ARMC12: variants seen among roughly 807,000 people sequenced by gnomAD.
ARMC12 encodes the protein armadillo repeat-containing protein 12.
A neutral mutation model predicts 37.4 loss-of-function variants in ARMC12; 25 were observed. The ratio of observed to expected loss-of-function variants is 0.67; its 90% confidence interval spans 0.49 to 0.93. The LOEUF (loss-of-function observed/expected upper bound fraction) is 0.93. Ranked by LOEUF, ARMC12 falls within the 40% of genes least tolerant of loss-of-function variation. The probability of loss-of-function intolerance (pLI) is 0.00; values close to 1 mark genes in which losing one functional copy is unlikely to be tolerated. For synonymous variants in ARMC12, 167 were observed against 176.1 expected (o/e 0.95, Z 0.41); for missense variants, 384 against 426.6 (o/e 0.90, Z 0.88).
At chr6:35,732,532 A>C (rs573117269), upstream of ARMC12, among the ~76,000 whole-genome samples, 11 of 152,322 alleles carry the variant, frequency 7.2e-5, no homozygotes, top group East Asian at 2.1e-3. Flanking sequence ...ACTGGAGTTT[A>C]GGGTAGGGTA....
upstream of ARMC12, among the ~76,000 whole-genome samples, chr6:35,733,043 G>A (rs1410290113): frequency 2.0e-5 from 3 of 152,184 alleles, no homozygotes; most frequent in Admixed American, 6.5e-5. Context: ...GTGGTGGTGC[G>A]TGCCTGTAGT....
chr6:35,744,385 C>G (rs1046233149), intron 3 of ARMC12, among the ~76,000 whole-genome samples: 2 of 152,130 alleles, frequency 1.3e-5, no homozygotes, highest in African/African-American at 2.4e-5. Context: ...CTTGATCCGC[C>G]CACCTCGACC....
At position 35,737,221 on chromosome 6, in the gene ARMC12, G is replaced by A. The variant is rs1271733924; in HGVS notation, c.113G>A (p.Gly38Asp). The A allele has an allele frequency of 3.1e-6, 5 of 1,614,244 alleles. No individual in the cohort carries two copies. Among genetic ancestry groups the A allele is most frequent in the South Asian group, 1.1e-5 (1 of 91,090 alleles). ...IYLLYKAIKA[G>D]IKCKPPLCSN... is the part of the protein sequence containing the mutation. ...CTGCTCTACAAGGCCATCAAGGCTG[G>A]CATAAAATGCAAACCACCCCTCTGT... The change falls in exon 1 of 6, where the codon GGC becomes GAC. Residue 38 changes from glycine to aspartate, a missense_variant. Physicochemically the swap from Gly to Asp is moderately conservative, Grantham distance 94. Coordinates refer to ENST00000373866, the MANE Select transcript of ARMC12 (RefSeq NM_001286574.2).
chr6:35,745,785 C>A (rs950584844), intron 3 of ARMC12, among the ~76,000 whole-genome samples: 1 of 152,220 alleles, frequency 6.6e-6, no homozygotes, highest in Non-Finnish European at 1.5e-5. Context: ...GAGGCTCAGG[C>A]CTGTAAACCC....
chr6:35,742,385 A>G (rs1767197785), intron 3 of ARMC12, among the ~76,000 whole-genome samples: 1 of 149,960 alleles, frequency 6.7e-6, no homozygotes, highest in Admixed American at 6.7e-5. Flanking sequence ...AATCCCAGCT[A>G]TCCGGGAGGC....
chr6:35,740,402 C>T (rs1438354401), intron 3 of ARMC12, among the ~76,000 whole-genome samples: 2 of 152,060 alleles, frequency 1.3e-5, no homozygotes, highest in Non-Finnish European at 2.9e-5. Flanking sequence ...GCTTACGCTC[C>T]GCTCCCCCAT....
At chr6:35,741,054 G>C (rs73419754) in intron 3 of ARMC12, among the ~76,000 whole-genome samples, 1,833 of 152,072 alleles carry the variant, frequency 0.012, 28 homozygotes, top group African/African-American at 0.035. Flanking sequence ...TGTGCTCAGT[G>C]AGTACGGGAG....
In ARMC12 at chr6:35,738,125, A is replaced by C; in HGVS notation, c.262A>C (p.Met88Leu). The C allele has an allele frequency of 6.2e-7, 1 of 1,614,040 alleles. No homozygotes were observed. ...ECKQDEYAKS[M>L]ILHSITRCVY... ...CAAACAGGATGAGTATGCCAAGAGC[A>C]TGATCCTGCACAGTATCACTCGCTG... is the stretch of plus-strand genomic sequence containing the variant. Residue 88 changes from methionine (M) to leucine (L), a missense_variant, in exon 2 of 6, where the codon ATG (methionine) becomes CTG (leucine). By Grantham distance (15) the Met-to-Leu change is conservative. Coordinates refer to ENST00000373866, the MANE Select transcript of ARMC12 (RefSeq NM_001286574.2).
chr6:35,745,169 C>T (rs574046712), intron 3 of ARMC12, among the ~76,000 whole-genome samples: 63 of 152,194 alleles, frequency 4.1e-4, no homozygotes, highest in African/African-American at 1.3e-3. Flanking sequence ...AACCAGTACA[C>T]GATTGTCGAT....
At chr6:35,738,583 A>G (rs1485506013) in intron 3 of ARMC12, 65 bp downstream of exon 3, 62 of 1,574,550 alleles carry the variant, frequency 3.9e-5, no homozygotes, top group Non-Finnish European at 1.6e-5. Context: ...TTTAATTGCC[A>G]TAGGATAAAT....
In ARMC12 at chr6:35,738,139, T is replaced by C. The variant is rs376260321; in HGVS notation, c.276T>C (p.Ser92=). ...ATGCCAAGAGCATGATCCTGCACAG[T>C]ATCACTCGCTGTGTGTACTTGCTGG... The part of the protein sequence containing the change: ...DEYAKSMILH[S]ITRCVYLLEA... Residue 92 remains serine, a synonymous_variant, in exon 2 of 6, where the codon AGT becomes AGC. Transcript: ENST00000373866. 1.2e-6 allele frequency: 2 copies of C among 1,613,700 alleles called. No individual in the cohort carries two copies. The highest frequency in any genetic ancestry group is 2.7e-5 in the African/African-American group (2 of 74,902).
At chr6:35,733,461 G>A (rs1766882225), upstream of ARMC12, among the ~76,000 whole-genome samples, 1 of 152,188 alleles carries the variant, frequency 6.6e-6, no homozygotes, top group African/African-American at 2.4e-5. Flanking sequence ...CTATTTTACA[G>A]GTGGGGAAAA....
At chr6:35,743,882 T>C (rs1182549882) in intron 3 of ARMC12, among the ~76,000 whole-genome samples, 1 of 148,338 alleles carries the variant, frequency 6.7e-6, no homozygotes, top group Non-Finnish European at 1.5e-5. Flanking sequence ...GAGGTGGAGG[T>C]TGCATTGAAC....
chr6:35,742,312 A>C (rs939693621), intron 3 of ARMC12, among the ~76,000 whole-genome samples: 1 of 151,656 alleles, frequency 6.6e-6, no homozygotes, highest in East Asian at 2.0e-4. Context: ...CCTAGCCAAC[A>C]TGGAGAAACC....
At chr6:35,747,057 T>TAAAAAAAAAA (rs74403253) in intron 3 of ARMC12, among the ~76,000 whole-genome samples, 1,807 of 82,120 alleles carry the variant, frequency 0.022, 152 homozygotes, top group African/African-American at 0.082. Flanking sequence ...AAGAAGTCTG[T>TAAAAAAAAAA]AAAAAAAAAA....
intron 5 of ARMC12, 95 bp from the exon 6 acceptor site, chr6:35,748,443 A>T (rs1240989115): frequency 9.6e-7 from 1 of 1,038,358 alleles, no homozygotes; most frequent in Non-Finnish European, 1.3e-6. Context: ...AAATTTAGGT[A>T]TATTTGGGAG....
In ARMC12 at chr6:35,747,371, A is replaced by G. The variant is rs1561925370; in HGVS notation, c.555A>G (p.Pro185=). Residue 185 remains proline (P), a synonymous_variant, in exon 4 of 6, where the codon CCA becomes CCG. Coordinates refer to ENST00000373866, the MANE Select transcript of ARMC12 (RefSeq NM_001286574.2). ...NNLPLPDYVH[P]QLRRVMPALM... ...TTCCACTGCCCGACTATGTGCATCC[A>G]CAGCTGCGACGGGTGATGCCTGCCT... 1 of 1,614,194 alleles carries G rather than the reference A, an allele frequency of 6.2e-7. No individual in the cohort carries two copies. The highest frequency in any genetic ancestry group is 2.2e-5 in the East Asian group (1 of 44,878).
In ARMC12 at chr6:35,747,325, G is replaced by A; in HGVS notation, c.509G>A (p.Gly170Asp). The change falls in exon 4 of 6, where the codon GGC becomes GAC. Residue 170 changes from glycine (G) to aspartate (D), a missense_variant. Physicochemically the swap from Gly to Asp is moderately conservative, Grantham distance 94. Coordinates refer to ENST00000373866, the MANE Select transcript of ARMC12 (RefSeq NM_001286574.2). The part of the protein sequence containing the change: ...TIWDTELHIA[G>D]LRLLNNLPLP... ...TGGGACACGGAACTGCACATTGCGGGCCTCAGACTCCTCAACAACCTTCCA... is the reference window on the plus strand; with the variant it reads ...TGGGACACGGAACTGCACATTGCGGACCTCAGACTCCTCAACAACCTTCCA... The A allele has an allele frequency of 6.2e-7, 1 of 1,613,994 alleles. No homozygotes were observed. Among genetic ancestry groups the A allele is most frequent in the Non-Finnish European group, 8.5e-7 (1 of 1,180,032 alleles).
chr6:35,739,086 C>T (rs1581858), intron 3 of ARMC12, among the ~76,000 whole-genome samples: 90,838 of 151,960 alleles, frequency 0.6, 27,656 homozygotes, highest in African/African-American at 0.71. Context: ...AACAGCTAAA[C>T]GGAGGAGACA....
Sources: gnomAD v4.1 joint callset for allele counts (sites outside exome capture counted in the v4.1 genomes callset) on GRCh38, gnomAD v4.1.1 for gene constraint, MANE v1.5 for transcripts, NCBI Gene and HGNC (gene_info 2026-07-23, HGNC 2026-07-21) for gene names.